The following UST variants were observed in gnomAD, a reference collection of about 807,000 sequenced individuals.
UST encodes the protein uronyl 2-sulfotransferase.
A neutral mutation model predicts 45.6 loss-of-function variants in UST; 21 were observed. That is an observed-to-expected ratio of 0.46 (90% confidence interval 0.33 to 0.66). The LOEUF (loss-of-function observed/expected upper bound fraction) is 0.66. UST is among the 30% of genes least tolerant of loss of function. The pLI, the probability that UST is intolerant of heterozygous loss-of-function variation, is 0.02. For missense variants in UST, 463 were observed against 512.4 expected (o/e 0.90, Z 0.93); for synonymous variants, 215 against 200.6 (o/e 1.07, Z -0.61).
rs1194750371 is a variant in UST, at chr6:148,949,421, ATAATAATAATAATAT to A, written c.448-4448_448-4434del. On this transcript the variant is annotated intron_variant, in intron 3 of 7. Coordinates refer to ENST00000367463, the MANE Select transcript of UST (RefSeq NM_005715.3). Reference sequence around the variant, plus strand: ...AATAATAATAATAATAATAATAATAATAATAATAATAATATTACTTATTCATGGGGTTCTTGTGAG... The same window carrying A: ...AATAATAATAATAATAATAATAATAATACTTATTCATGGGGTTCTTGTGAG... Among the ~76,000 whole-genome samples the A allele has an allele frequency of 2.4e-3, 287 of 117,400 alleles. 1 individual carries two copies. Among genetic ancestry groups the A allele is most frequent in the African/African-American group, 7.9e-3 (264 of 33,518 alleles). 77.0% of individuals were successfully genotyped at this position (117,400 alleles called of 152,430 possible).
intron 5 of UST, among the ~76,000 whole-genome samples, chr6:149,006,605 T>C (rs1158518406): frequency 6.6e-6 from 1 of 152,240 alleles, no homozygotes; most frequent in African/African-American, 2.4e-5. Flanking sequence ...CCTTTGAGTA[T>C]ATACCCAGTA....
rs1247633061 is a variant in UST at position 148,887,128 on chromosome 6, A to C, written c.291+99A>C. On this transcript the variant is annotated intron_variant, in intron 2 of 7. Coordinates refer to ENST00000367463, the MANE Select transcript of UST (RefSeq NM_005715.3). ...TCTCTCCTGGACACGAATCATTCAC[A>C]AGAAACAGTAGATGACATATGTGAA... 4.4e-6 allele frequency: 4 copies of C among 916,624 alleles called. No individual in the cohort carries two copies. In the African/African-American group the frequency reaches 5.0e-5, roughly 12 times the overall value. 56.8% of individuals were successfully genotyped at this position (916,624 alleles called of 1,614,324 possible).
In UST at chr6:148,887,134, C is replaced by T. The variant is rs1011202559; in HGVS notation, c.291+105C>T. The T allele has an allele frequency of 4.1e-5, 35 of 854,308 alleles. No homozygotes were observed. In the African/African-American group the frequency reaches 4.5e-4, roughly 11 times the overall value. 52.9% of individuals were successfully genotyped at this position (854,308 alleles called of 1,614,324 possible). A position where few individuals can be genotyped will look rare whatever the true frequency, so the allele number is the denominator to read the frequency against. On this transcript the variant is annotated intron_variant, in intron 2 of 7. Transcript: ENST00000367463. Reference sequence around the variant, plus strand: ...CTGGACACGAATCATTCACAAGAAACAGTAGATGACATATGTGAAATTGAT... The same window carrying T: ...CTGGACACGAATCATTCACAAGAAATAGTAGATGACATATGTGAAATTGAT...
At chr6:149,041,867 G>A (rs545080641) in intron 7 of UST, among the ~76,000 whole-genome samples, 4 of 152,188 alleles carry the variant, frequency 2.6e-5, no homozygotes, top group South Asian at 4.2e-4. Flanking sequence ...CCCACTCCCC[G>A]AGGACCCTAA....
chr6:148,806,968 A>T (rs928698090), intron 1 of UST, among the ~76,000 whole-genome samples: 3 of 152,246 alleles, frequency 2.0e-5, no homozygotes, highest in Non-Finnish European at 2.9e-5. Flanking sequence ...CCACCTTTCA[A>T]CACTGTTGCA....
intron 1 of UST, among the ~76,000 whole-genome samples, chr6:148,841,587 GTT>G (rs34969510): frequency 8.2e-6 from 1 of 122,024 alleles, no homozygotes; most frequent in Admixed American, 8.2e-5. Context: ...TTTTGTTTTT[GTT>G]TTTTTTTTCT....
At chr6:148,943,560 G>T (rs1780173119) in intron 3 of UST, among the ~76,000 whole-genome samples, 1 of 152,186 alleles carries the variant, frequency 6.6e-6, no homozygotes, top group African/African-American at 2.4e-5. Context: ...AAGGGTTAAA[G>T]ACAAAGTCTT....
chr6:148,948,788 A>G (rs1422521882), intron 3 of UST, among the ~76,000 whole-genome samples: 4 of 151,992 alleles, frequency 2.6e-5, no homozygotes, highest in East Asian at 1.9e-4. Flanking sequence ...GTGCTAACCA[A>G]TCTGTTCCTT....
intron 7 of UST, among the ~76,000 whole-genome samples, chr6:149,028,438 A>C (rs1473237776): frequency 3.3e-5 from 5 of 152,334 alleles, no homozygotes; most frequent in Admixed American, 2.6e-4. Context: ...GAGAAACTGG[A>C]CTGGAGGTTC....
intron 7 of UST, among the ~76,000 whole-genome samples, chr6:149,032,023 C>T (rs1457782926): frequency 1.3e-5 from 2 of 152,188 alleles, no homozygotes; most frequent in Admixed American, 1.3e-4. Flanking sequence ...TGGGCCAGCC[C>T]ACGTCAGCCC....
intron 5 of UST, among the ~76,000 whole-genome samples, chr6:149,010,756 G>T (rs1775792185): frequency 6.6e-6 from 1 of 151,816 alleles, no homozygotes; most frequent in African/African-American, 2.4e-5. Flanking sequence ...AGCCGGGTGT[G>T]GTGACACGTG....
At chr6:148,871,178 CTCTCTG>C (rs1778552534) in intron 1 of UST, among the ~76,000 whole-genome samples, 1 of 151,678 alleles carries the variant, frequency 6.6e-6, no homozygotes, top group Non-Finnish European at 1.5e-5. Flanking sequence ...GTCCTTCTCT[CTCTCTG>C]TCCCCCTCTC....
intron 1 of UST, among the ~76,000 whole-genome samples, chr6:148,810,175 A>G (rs1777228096): frequency 6.6e-6 from 1 of 152,340 alleles, no homozygotes; most frequent in Middle Eastern, 3.4e-3. Flanking sequence ...ATTGAACATT[A>G]TGGCTGACCA....
At position 148,941,441 on chromosome 6, in the gene UST, T is replaced by C; in HGVS notation, c.447+7T>C. The stretch of plus-strand genomic sequence containing the variant: ...GCTTACTAAAAATGAACAAGTAAGT[T>C]GACTTTGCACATTGTTAAATTGTGT... On this transcript the variant is annotated splice_region_variant and intron_variant, in intron 3 of 7. Transcript: ENST00000367463. 1 of 1,589,562 alleles carries C rather than the reference T, an allele frequency of 6.3e-7. No individual in the cohort carries two copies. The highest frequency in any genetic ancestry group is 1.2e-5 in the South Asian group (1 of 86,148).
intron 1 of UST, among the ~76,000 whole-genome samples, chr6:148,841,890 C>T (rs1442964354): frequency 2.0e-5 from 3 of 152,096 alleles, no homozygotes; most frequent in African/African-American, 7.2e-5. Flanking sequence ...AGATCACCTG[C>T]GGTAAGGGAG....
At chr6:148,964,626 G>A (rs1780743005) in intron 5 of UST, 63 bp downstream of exon 5, 1 of 1,593,650 alleles carries the variant, frequency 6.3e-7, no homozygotes, top group Non-Finnish European at 8.6e-7. Context: ...CCTCCACCAG[G>A]GAAGGTTCAC....
At chr6:148,774,898 A>G (rs1217484788) in intron 1 of UST, among the ~76,000 whole-genome samples, 2 of 152,120 alleles carry the variant, frequency 1.3e-5, no homozygotes, top group African/African-American at 4.8e-5. Flanking sequence ...GGCGCCTGTA[A>G]TCCCAGCTAC....
chr6:148,963,034 G>A (rs548560977), intron 4 of UST, among the ~76,000 whole-genome samples: 5 of 152,294 alleles, frequency 3.3e-5, no homozygotes, highest in South Asian at 2.1e-4. Context: ...AGAGCGTGTC[G>A]TTCCTGGCTG....
chr6:148,805,796 C>T (rs1332610964), intron 1 of UST, among the ~76,000 whole-genome samples: 1 of 152,154 alleles, frequency 6.6e-6, no homozygotes, highest in Admixed American at 6.5e-5. Context: ...ATGATTGGAA[C>T]ACCCAGATTA....
Sources: allele counts gnomAD v4.1 joint callset (sites outside exome capture counted in the v4.1 genomes callset), GRCh38; gene constraint gnomAD v4.1.1; transcripts MANE v1.5; gene names NCBI Gene and HGNC (gene_info 2026-07-23, HGNC 2026-07-21).